ANO7: variants seen among roughly 807,000 people sequenced by gnomAD.
ANO7 encodes anoctamin-7.
ANO7 carries 114 observed loss-of-function variants against 115.8 expected under a neutral mutation model. That is an observed-to-expected ratio of 0.98 (90% CI 0.85 to 1.15). ANO7 has a LOEUF of 1.15. Among genes scored for constraint, ANO7 ranks in the 50% most tolerant of loss-of-function variants. The pLI is 0.00. For missense variants in ANO7, 1,302 were observed against 1,201.2 expected (o/e 1.08, Z -1.24); for synonymous variants, 550 against 498.2 (o/e 1.10, Z -1.38).
intron 3 of ANO7, among the ~76,000 whole-genome samples, chr2:241,192,950 G>A (rs2068238687): frequency 6.6e-6 from 1 of 152,178 alleles, no homozygotes; most frequent in South Asian, 2.1e-4. Context: ...TGGGCGTAGG[G>A]ATTCAGTGGA....
chr2:241,231,605 C>T, the ANO7 span, among the ~76,000 whole-genome samples: 3 of 152,148 alleles, frequency 2.0e-5, no homozygotes, highest in Non-Finnish European at 2.9e-5. Flanking sequence ...TCTTTGCCCA[C>T]GTGGGCCACA....
Position 241,209,644 on chromosome 2 carries a change from TC to T in ANO7, c.1359+14del. 6.5e-7 allele frequency: 1 copy of T among 1,535,992 alleles called. No homozygotes were observed. The highest frequency in any genetic ancestry group is 8.7e-7 in the Non-Finnish European group (1 of 1,144,218). ...TGGTGATCGTGGTGATGGTATGCGG[TC>T]CCCCTGCCCTCCGCTCACGCCTCCA... is the stretch of plus-strand genomic sequence containing the variant. On this transcript the variant is annotated intron_variant, in intron 13 of 24. Transcript: ENST00000674324.
chr2:241,228,563 TCCAGCTTAGGTACACGGCGCCCACCC>T (rs529387406), downstream of ANO7: 19 of 152,410 alleles, frequency 1.2e-4, no homozygotes, highest in African/African-American at 3.6e-4. Context: ...AGCGCCAGCC[TCCAGCTTAGGTACACGGCGCCCACCC>T]CCAGCTCCAC....
the ANO7 span, chr2:241,236,842 G>A: frequency 2.0e-6 from 3 of 1,502,576 alleles, no homozygotes; most frequent in East Asian, 2.3e-5. Flanking sequence ...GAATGCATAT[G>A]TCTGTGAGGC....
At chr2:241,236,897 GTCCTT>G in the ANO7 span, 4 of 861,862 alleles carry the variant, frequency 4.6e-6, no homozygotes, top group Non-Finnish European at 7.1e-6. Context: ...AACCACTCCT[GTCCTT>G]CAGGAGGTCT....
chr2:241,236,372 A>C, the ANO7 span: 1 of 546,630 alleles, frequency 1.8e-6, no homozygotes, highest in Non-Finnish European at 3.3e-6. Context: ...GAGAGGCCGG[A>C]TCCCATGCAG....
Position 241,210,482 on chromosome 2 carries a change from C to T in ANO7, c.1473C>T (p.Ala491=). 6.2e-7 allele frequency: 1 copy of T among 1,614,088 alleles called. No homozygotes were observed. Among genetic ancestry groups the T allele is most frequent in the Non-Finnish European group, 8.5e-7 (1 of 1,179,998 alleles). Residue 491 remains alanine (A), a synonymous_variant, in exon 15 of 25, where the codon GCC becomes GCT. Transcript: ENST00000674324. ...TCTCCCGTTAGGCCTCTCGCATCGC[C>T]AGCCTCACGGGGTCTGTAGTGAACC... ...TLLAAWASRI[A]SLTGSVVNLV... is the part of the protein sequence containing the mutation.
At chr2:241,226,781 C>T (rs1034980161), downstream of ANO7, among the ~76,000 whole-genome samples, 3 of 152,166 alleles carry the variant, frequency 2.0e-5, no homozygotes, top group African/African-American at 7.2e-5. Flanking sequence ...GGGACCAGCC[C>T]AGTCAGCAGC....
chr2:241,210,707 T>C (rs959488590), intron 15 of ANO7, 137 bp downstream of exon 15: 18 of 771,304 alleles, frequency 2.3e-5, no homozygotes, highest in Middle Eastern at 3.0e-4. Context: ...TGAGACAGGA[T>C]CTCACTCTGT....
At chr2:241,222,583 G>T (rs973983846) in intron 21 of ANO7, among the ~76,000 whole-genome samples, 2 of 151,710 alleles carry the variant, frequency 1.3e-5, no homozygotes, top group Non-Finnish European at 2.9e-5. Context: ...TGCAATATTT[G>T]GTTTTTTGTT....
chr2:241,199,848 C>T (rs1387341858), intron 5 of ANO7, among the ~76,000 whole-genome samples: 1 of 152,188 alleles, frequency 6.6e-6, no homozygotes, highest in Non-Finnish European at 1.5e-5. Flanking sequence ...TTACCAGTTC[C>T]CACCCCTTTT....
chr2:241,220,243 T>C (rs752645919), intron 21 of ANO7, among the ~76,000 whole-genome samples: 6 of 152,232 alleles, frequency 3.9e-5, no homozygotes, highest in Admixed American at 6.5e-5. Flanking sequence ...TATGTATGCA[T>C]AGAAATATGT....
chr2:241,205,197 T>C (rs2068561696), intron 10 of ANO7, among the ~76,000 whole-genome samples: 1 of 151,692 alleles, frequency 6.6e-6, no homozygotes, highest in Non-Finnish European at 1.5e-5. Context: ...GCTCCCAGGC[T>C]GACAGGTGGA....
intron 16 of ANO7, 112 bp from the exon 17 acceptor site, chr2:241,212,460 C>G: frequency 8.2e-7 from 1 of 1,213,726 alleles, no homozygotes; most frequent in Non-Finnish European, 1.2e-6. Context: ...CGCCACAGTT[C>G]GTGCTTCCTC....
rs1231792213 is a variant in ANO7, at chr2:241,195,752, G to A, written c.216G>A (p.Gln72=). 3 of 1,614,242 alleles carry A rather than the reference G, an allele frequency of 1.9e-6. No homozygotes were observed. Among genetic ancestry groups the A allele is most frequent in the East Asian group, 2.2e-5 (1 of 44,888 alleles). The part of the protein sequence containing the change: ...WEEDLKLDRQ[Q]DSAARDRTDM... ...AGGACCTGAAGCTAGACAGGCAGCA[G>A]GACAGTGCCGCCCGGGACAGAACAG... Residue 72 remains glutamine, a synonymous_variant, in exon 4 of 25, where the codon CAG becomes CAA. Transcript: ENST00000674324.
chr2:241,218,935 G>A (rs996687337), intron 21 of ANO7, among the ~76,000 whole-genome samples: 7 of 152,300 alleles, frequency 4.6e-5, no homozygotes, highest in Admixed American at 4.6e-4. Context: ...TTTGGTCAGG[G>A]GTTAATATTA....
chr2:241,212,188 T>G lies in ANO7; in HGVS notation c.1656T>G (p.Ile552Met), dbSNP rs1313437044. ...FVNFYSSPVY[I>M]AFFKGRFVGY... ...ACTTCTACTCCTCACCCGTCTACAT[T>G]GCCTTCTTCAAGGGCAGGTTGGTGG... Residue 552 changes from isoleucine (I) to methionine (M), a missense_variant, in exon 16 of 25, where the codon ATT becomes ATG. By Grantham distance (10) the Ile-to-Met change is conservative. Transcript: ENST00000674324. 1.9e-6 allele frequency: 3 copies of G among 1,613,948 alleles called. No individual in the cohort carries two copies. In the African/African-American group the frequency reaches 4.0e-5, roughly 22 times the overall value.
At chr2:241,226,330 C>T (rs998666141), downstream of ANO7, among the ~76,000 whole-genome samples, 3 of 152,070 alleles carry the variant, frequency 2.0e-5, no homozygotes, top group African/African-American at 7.2e-5. Context: ...TGGGCTGCTT[C>T]GTGTTTGGCT....
intron 17 of ANO7, among the ~76,000 whole-genome samples, chr2:241,214,396 G>C (rs1005171457): frequency 6.6e-6 from 1 of 152,178 alleles, no homozygotes; most frequent in African/African-American, 2.4e-5. Context: ...GACACTCTCG[G>C]ACTTAGCACC....
Sources: allele counts gnomAD v4.1 joint callset (sites outside exome capture counted in the v4.1 genomes callset), GRCh38; gene constraint gnomAD v4.1.1; transcripts MANE v1.5; gene names NCBI Gene and HGNC (gene_info 2026-07-23, HGNC 2026-07-21).